The following FRYL variants were observed in gnomAD, a reference collection of about 807,000 sequenced individuals.
The protein encoded by FRYL is FRY like transcription coactivator, also known as protein furry homolog-like.
FRYL carries 150 observed loss-of-function variants against 351.2 expected under a neutral mutation model. The ratio of observed to expected loss-of-function variants is 0.43; its 90% CI spans 0.37 to 0.49. The LOEUF is 0.49. Ranked by LOEUF, FRYL falls within the 20% of genes least tolerant of loss-of-function variation. FRYL has a pLI of 0.00. For synonymous variants in FRYL, 1,153 were observed against 1,257.1 expected (o/e 0.92, Z 1.75); for missense variants, 3,036 against 3,619.3 (o/e 0.84, Z 4.13).
chr4:48,582,636 G>C lies in FRYL; in HGVS notation c.1847C>G (p.Ser616Ter). ...ACGAACAATAAAATAAACAAATCCT[G>C]AAAGAACATCCTCCCGCCAATCTGG... ...DFPDWREDVL[S>*]GFVYFIVREV... The change falls in exon 20 of 64, where the codon TCA becomes TGA. Residue 616 changes from serine to a stop codon, truncating the protein, a stop_gained. Transcript: ENST00000358350. LOFTEE classifies it high-confidence loss of function. The C allele has an allele frequency of 2.5e-6, 4 of 1,614,024 alleles. No homozygotes were observed. Among genetic ancestry groups the C allele is most frequent in the Non-Finnish European group, 3.4e-6 (4 of 1,179,940 alleles).
chr4:48,511,084 TTATAATGA>T, intron 57 of FRYL, 100 bp from the exon 58 acceptor site: 1 of 666,754 alleles, frequency 1.5e-6, no homozygotes. Flanking sequence ...TATTTTAAAA[TTATAATGA>T]TATATAGAAC....
intron 1 of FRYL, among the ~76,000 whole-genome samples, chr4:48,730,644 G>A (rs1770620780): frequency 6.6e-6 from 1 of 152,148 alleles, no homozygotes; most frequent in Non-Finnish European, 1.5e-5. Context: ...CTTCATAAGT[G>A]AAGGAGAAAT....
intron 3 of FRYL, among the ~76,000 whole-genome samples, chr4:48,656,744 T>A (rs74854801): frequency 1.6e-4 from 14 of 89,094 alleles, no homozygotes; most frequent in Non-Finnish European, 2.0e-4. Flanking sequence ...ATATATATAT[T>A]TATTTATCGC....
At chr4:48,509,790 C>A (rs1051309658) in intron 59 of FRYL, among the ~76,000 whole-genome samples, 2 of 152,194 alleles carry the variant, frequency 1.3e-5, no homozygotes, top group Non-Finnish European at 2.9e-5. Flanking sequence ...TCAATTTCCC[C>A]ACTTGGAATG....
At chr4:48,705,918 C>A (rs1305048300) in intron 2 of FRYL, among the ~76,000 whole-genome samples, 1 of 152,076 alleles carries the variant, frequency 6.6e-6, no homozygotes, top group Non-Finnish European at 1.5e-5. Context: ...TTTACTGCAA[C>A]CTCTACCTCC....
At chr4:48,653,496 A>G (rs1758141410) in intron 3 of FRYL, among the ~76,000 whole-genome samples, 1 of 152,134 alleles carries the variant, frequency 6.6e-6, no homozygotes, top group Non-Finnish European at 1.5e-5. Flanking sequence ...AAGGCTGGTA[A>G]ATTTTCATCA....
At chr4:48,761,433 C>T (rs374301529) in intron 1 of FRYL, among the ~76,000 whole-genome samples, 3 of 152,274 alleles carry the variant, frequency 2.0e-5, no homozygotes, top group South Asian at 2.1e-4. Flanking sequence ...AGGCAATGCA[C>T]TACTCATGTG....
At chr4:48,600,762 C>T (rs1745531490) in intron 13 of FRYL, among the ~76,000 whole-genome samples, 1 of 151,848 alleles carries the variant, frequency 6.6e-6, no homozygotes. Flanking sequence ...CTTTTGGTCC[C>T]TATATCTGTA....
intron 7 of FRYL, among the ~76,000 whole-genome samples, chr4:48,616,093 G>A (rs1190072956): frequency 2.6e-5 from 4 of 151,938 alleles, no homozygotes; most frequent in Non-Finnish European, 4.4e-5. Context: ...GGGGAGGGAC[G>A]GCATTAGGAG....
At chr4:48,515,457 T>C (rs1260665435) in intron 55 of FRYL, among the ~76,000 whole-genome samples, 182 bp from the exon 56 acceptor site, 1 of 152,204 alleles carries the variant, frequency 6.6e-6, no homozygotes, top group African/African-American at 2.4e-5. Context: ...AATCTCCGCC[T>C]CTCAGGTTCA....
chr4:48,737,507 A>G (rs558524851), intron 1 of FRYL, among the ~76,000 whole-genome samples: 12 of 152,172 alleles, frequency 7.9e-5, no homozygotes, highest in Non-Finnish European at 1.6e-4. Context: ...AAGAGAAAGC[A>G]CCAGGTCCAG....
intron 56 of FRYL, among the ~76,000 whole-genome samples, chr4:48,513,974 C>G (rs181857957): frequency 6.6e-6 from 1 of 152,126 alleles, no homozygotes; most frequent in African/African-American, 2.4e-5. Flanking sequence ...GCATGGGCTA[C>G]TGCCATATTC....
chr4:48,702,771 AAAAAAG>A (rs1318349712), intron 2 of FRYL, among the ~76,000 whole-genome samples: 24 of 129,844 alleles, frequency 1.8e-4, no homozygotes, highest in African/African-American at 5.3e-4. Flanking sequence ...AAAAAAAAAA[AAAAAAG>A]AAAAAGAAAG....
chr4:48,658,569 C>A (rs1211582629), intron 3 of FRYL, among the ~76,000 whole-genome samples: 2 of 121,896 alleles, frequency 1.6e-5, no homozygotes, highest in African/African-American at 3.3e-5. Flanking sequence ...AAACCCTCAT[C>A]TCTACAAAAA....
At chr4:48,617,050 T>C (rs1369455195) in intron 7 of FRYL, among the ~76,000 whole-genome samples, 1 of 152,156 alleles carries the variant, frequency 6.6e-6, no homozygotes. Flanking sequence ...AATCCCTACA[T>C]AGGATTTTAG....
At chr4:48,699,113 T>C (rs1766481536) in intron 2 of FRYL, among the ~76,000 whole-genome samples, 1 of 152,194 alleles carries the variant, frequency 6.6e-6, no homozygotes, top group Admixed American at 6.5e-5. Context: ...AACTGAAAAG[T>C]ACTGTACCTC....
intron 3 of FRYL, among the ~76,000 whole-genome samples, chr4:48,649,997 G>A (rs1757290153): frequency 6.6e-6 from 1 of 151,858 alleles, no homozygotes; most frequent in South Asian, 2.1e-4. Context: ...TTCTTCAGGA[G>A]GGTAGGGGCA....
chr4:48,728,632 A>T (rs1380358694), intron 1 of FRYL, among the ~76,000 whole-genome samples: 1 of 152,226 alleles, frequency 6.6e-6, no homozygotes, highest in East Asian at 1.9e-4. Context: ...AATCTAAGAT[A>T]AAGACAAAAT....
chr4:48,653,984 C>T lies in FRYL; in HGVS notation c.-80-19494G>A, dbSNP rs1758263624. 5 of 1,088,596 alleles carry T rather than the reference C, an allele frequency of 4.6e-6. No individual in the cohort carries two copies. In the African/African-American group the frequency reaches 5.0e-5, roughly 11 times the overall value. 67.4% of individuals were successfully genotyped at this position (1,088,596 alleles called of 1,614,324 possible). A position where few individuals can be genotyped will look rare whatever the true frequency, so the allele number is the denominator to read the frequency against. On this transcript the variant is annotated intron_variant, in intron 3 of 63. Coordinates refer to ENST00000358350, the MANE Select transcript of FRYL (RefSeq NM_015030.2). Reference sequence around the variant, plus strand: ...TGACGCACAACTATAGTGGAAATGCCGCTGAATGCAGATGAACTATCCAGT... The same window carrying T: ...TGACGCACAACTATAGTGGAAATGCTGCTGAATGCAGATGAACTATCCAGT...
Sources: gnomAD v4.1 joint callset for allele counts (sites outside exome capture counted in the v4.1 genomes callset) on GRCh38, gnomAD v4.1.1 for gene constraint, MANE v1.5 for transcripts, NCBI Gene and HGNC (gene_info 2026-07-23, HGNC 2026-07-21) for gene names.